The following MAF variants were observed in gnomAD, a reference collection of about 807,000 sequenced individuals.
The protein encoded by MAF is MAF bZIP transcription factor.
Under a neutral mutation model 22.0 loss-of-function variants are expected in MAF, and 10 were observed. The ratio of observed to expected loss-of-function variants is 0.45; its 90% CI spans 0.28 to 0.77. The LOEUF is 0.77. MAF is among the 30% of genes least tolerant of loss of function. The probability of loss-of-function intolerance (pLI) is 0.12; values close to 1 mark genes in which losing one functional copy is unlikely to be tolerated. For synonymous variants in MAF, 337 were observed against 255.8 expected, an observed-to-expected ratio of 1.32 and a Z score of -3.03; for missense variants, 544 against 548.4, an observed-to-expected ratio of 0.99 and a Z score of 0.08.
chr16:79,516,864 G>A, the MAF span, among the ~76,000 whole-genome samples: 1 of 152,038 alleles, frequency 6.6e-6, no homozygotes, highest in Admixed American at 6.5e-5. Context: ...TAATCTTAAA[G>A]CAGCTAGACC....
chr16:79,324,504 T>A, the MAF span, among the ~76,000 whole-genome samples: 2 of 152,198 alleles, frequency 1.3e-5, no homozygotes, highest in Non-Finnish European at 2.9e-5. Flanking sequence ...CCCCCATGTG[T>A]ACCAATGGAT....
At chr16:79,496,044 G>T in the MAF span, among the ~76,000 whole-genome samples, 1 of 152,154 alleles carries the variant, frequency 6.6e-6, no homozygotes, top group African/African-American at 2.4e-5. Context: ...CATTTTTCTT[G>T]CAGCCTTGTG....
At chr16:79,267,596 G>A in the MAF span, among the ~76,000 whole-genome samples, 1 of 152,022 alleles carries the variant, frequency 6.6e-6, no homozygotes, top group Non-Finnish European at 1.5e-5. Context: ...ACAGTGCAGA[G>A]GCACTACCTC....
the MAF span, among the ~76,000 whole-genome samples, chr16:79,348,990 G>A: frequency 1.3e-5 from 2 of 152,156 alleles, no homozygotes; most frequent in Admixed American, 6.5e-5. Flanking sequence ...CCCTGCACCT[G>A]AGCCTGGTCC....
chr16:79,551,811 T>C, the MAF span, among the ~76,000 whole-genome samples: 1 of 152,202 alleles, frequency 6.6e-6, no homozygotes, highest in African/African-American at 2.4e-5. Context: ...CACACCATAA[T>C]GGCAGAGTAG....
chr16:79,315,601 A>C, the MAF span, among the ~76,000 whole-genome samples: 1 of 152,200 alleles, frequency 6.6e-6, no homozygotes, highest in East Asian at 1.9e-4. Context: ...AGCTTTCCCA[A>C]GTTCCTAATA....
At chr16:79,212,832 T>TTTTG in the MAF span, 2 of 152,204 alleles carry the variant, frequency 1.3e-5, no homozygotes, top group African/African-American at 2.4e-5. Context: ...TGAGTTTGTG[T>TTTTG]TTTGTTTTTG....
the MAF span, among the ~76,000 whole-genome samples, chr16:79,568,424 A>C: frequency 6.6e-6 from 1 of 152,152 alleles, no homozygotes; most frequent in Non-Finnish European, 1.5e-5. Context: ...AGCCTTCCTA[A>C]TTCATTTATT....
chr16:79,453,971 A>G, the MAF span, among the ~76,000 whole-genome samples: 29 of 152,324 alleles, frequency 1.9e-4, no homozygotes, highest in African/African-American at 6.7e-4. Context: ...AATAATAATA[A>G]TGGCATTAAT....
At chr16:79,255,253 T>C in the MAF span, among the ~76,000 whole-genome samples, 1 of 152,224 alleles carries the variant, frequency 6.6e-6, no homozygotes, top group Non-Finnish European at 1.5e-5. Flanking sequence ...TAGCTTTGCC[T>C]TTTCTGTGAA....
At chr16:79,355,270 T>C in the MAF span, among the ~76,000 whole-genome samples, 2 of 152,220 alleles carry the variant, frequency 1.3e-5, no homozygotes, top group African/African-American at 4.8e-5. Context: ...TATCTATGGC[T>C]GAACTTGATG....
chr16:79,551,389 G>A, the MAF span, among the ~76,000 whole-genome samples: 1 of 152,140 alleles, frequency 6.6e-6, no homozygotes, highest in Non-Finnish European at 1.5e-5. Context: ...TGTTTTCATG[G>A]CAGAAGCGCA....
the MAF span, among the ~76,000 whole-genome samples, chr16:79,223,774 T>A: frequency 2.0e-5 from 3 of 152,264 alleles, no homozygotes; most frequent in Admixed American, 6.5e-5. Context: ...AATGGATAAA[T>A]TCCTGGACAT....
chr16:79,440,337 A>G, the MAF span, among the ~76,000 whole-genome samples: 1 of 152,364 alleles, frequency 6.6e-6, no homozygotes, highest in African/African-American at 2.4e-5. Flanking sequence ...CCTTTGTACC[A>G]GTGTGGTGCC....
chr16:79,288,962 T>G, the MAF span, among the ~76,000 whole-genome samples: 1 of 152,156 alleles, frequency 6.6e-6, no homozygotes, highest in South Asian at 2.1e-4. Context: ...ACTCCTAACC[T>G]CAGGTGATCC....
the MAF span, among the ~76,000 whole-genome samples, chr16:79,239,592 A>G: frequency 6.6e-6 from 1 of 151,978 alleles, no homozygotes; most frequent in Admixed American, 6.6e-5. Flanking sequence ...TTTCTGGACC[A>G]TTTTGCCTAC....
chr16:79,438,687 T>G, the MAF span, among the ~76,000 whole-genome samples: 3 of 152,164 alleles, frequency 2.0e-5, no homozygotes, highest in Non-Finnish European at 4.4e-5. Context: ...GTGCAGAGTC[T>G]GCCTTCTCTT....
At chr16:79,550,819 G>C in the MAF span, among the ~76,000 whole-genome samples, 1 of 152,128 alleles carries the variant, frequency 6.6e-6, no homozygotes, top group Non-Finnish European at 1.5e-5. Flanking sequence ...TTCCCAACCA[G>C]GTTATTGTAA....
chr16:79,540,732 T>C, the MAF span, among the ~76,000 whole-genome samples: 99 of 152,284 alleles, frequency 6.5e-4, no homozygotes, highest in East Asian at 7.7e-4. Context: ...AGGCTGGAAA[T>C]AAACAATTCA....
Sources: allele counts gnomAD v4.1 joint callset (sites outside exome capture counted in the v4.1 genomes callset), GRCh38; gene constraint gnomAD v4.1.1; transcripts MANE v1.5; gene names NCBI Gene and HGNC (gene_info 2026-07-23, HGNC 2026-07-21).